Variants in FHIT observed in about 807,000 individuals in gnomAD.
FHIT encodes fragile histidine triad diadenosine triphosphatase.
Under a neutral mutation model 17.9 loss-of-function variants are expected in FHIT, and 19 were observed. The observed-to-expected ratio is 1.06, with a 90% CI of 0.74 to 1.56. The LOEUF is 1.56. FHIT is among the 40% of genes most tolerant of loss of function. FHIT has a pLI of 0.00. For synonymous variants in FHIT, 81 were observed against 69.7 expected, an observed-to-expected ratio of 1.16 and a Z score of -0.81; for missense variants, 248 against 189.2, an observed-to-expected ratio of 1.31 and a Z score of -1.82.
chr3:60,942,716 G>A (rs1382748985), intron 3 of FHIT, among the ~76,000 whole-genome samples: 2 of 151,778 alleles, frequency 1.3e-5, no homozygotes, highest in Non-Finnish European at 2.9e-5. Context: ...TAATATTTTT[G>A]TATTATTCCT....
intron 5 of FHIT, among the ~76,000 whole-genome samples, chr3:60,098,731 T>G (rs1288989166): frequency 1.3e-5 from 2 of 152,246 alleles, no homozygotes; most frequent in Non-Finnish European, 2.9e-5. Flanking sequence ...ACTAATATTT[T>G]CTTTTCTCTA....
At chr3:60,565,534 A>G (rs1346221966) in intron 4 of FHIT, among the ~76,000 whole-genome samples, 1 of 152,206 alleles carries the variant, frequency 6.6e-6, no homozygotes, top group East Asian at 1.9e-4. Flanking sequence ...AATGGATTTC[A>G]TTTACAAAAA....
chr3:60,845,602 A>T (rs1268379851), intron 3 of FHIT, among the ~76,000 whole-genome samples: 2 of 152,142 alleles, frequency 1.3e-5, no homozygotes, highest in African/African-American at 4.8e-5. Flanking sequence ...CTTAAGATTG[A>T]ACCACATGGG....
chr3:61,058,758 A>G (rs1024377412), intron 2 of FHIT, among the ~76,000 whole-genome samples: 3 of 152,346 alleles, frequency 2.0e-5, no homozygotes, highest in Admixed American at 2.0e-4. Context: ...GCAATGCAAG[A>G]ACGGACTAAT....
chr3:60,829,147 C>A (rs571738997), intron 3 of FHIT, among the ~76,000 whole-genome samples: 1 of 152,150 alleles, frequency 6.6e-6, no homozygotes, highest in Non-Finnish European at 1.5e-5. Flanking sequence ...ATGAGCCAAG[C>A]GCAGTGCCAA....
chr3:60,624,681 G>A (rs1246425810), intron 4 of FHIT, among the ~76,000 whole-genome samples: 1 of 152,146 alleles, frequency 6.6e-6, no homozygotes, highest in Admixed American at 6.5e-5. Flanking sequence ...AATGTTAAAT[G>A]TGTCTGTGGT....
At chr3:60,910,569 G>A (rs1464532909) in intron 3 of FHIT, among the ~76,000 whole-genome samples, 2 of 151,808 alleles carry the variant, frequency 1.3e-5, no homozygotes, top group Non-Finnish European at 2.9e-5. Flanking sequence ...CCACCACCAC[G>A]CCCGGCTAAT....
intron 4 of FHIT, among the ~76,000 whole-genome samples, chr3:60,736,998 T>C (rs1243488091): frequency 6.6e-6 from 1 of 152,136 alleles, no homozygotes; most frequent in African/African-American, 2.4e-5. Flanking sequence ...GAAAAGAAAA[T>C]TACCAAATAG....
At chr3:60,860,871 TATC>T (rs1703759869) in intron 3 of FHIT, among the ~76,000 whole-genome samples, 1 of 96,784 alleles carries the variant, frequency 1.0e-5, no homozygotes, top group Non-Finnish European at 2.2e-5. Flanking sequence ...TGTACATATA[TATC>T]ATGTATATAT....
intron 4 of FHIT, among the ~76,000 whole-genome samples, chr3:60,591,942 T>C (rs910996116): frequency 6.6e-6 from 1 of 151,864 alleles, no homozygotes; most frequent in Non-Finnish European, 1.5e-5. Flanking sequence ...TTAACAGGGA[T>C]TAATTTGGGT....
At chr3:59,951,461 C>A (rs1244376689) in intron 7 of FHIT, among the ~76,000 whole-genome samples, 1 of 152,206 alleles carries the variant, frequency 6.6e-6, no homozygotes, top group South Asian at 2.1e-4. Flanking sequence ...TATCTTCTAG[C>A]ACTTTCTGCT....
At chr3:60,205,969 A>T (rs188404385) in intron 5 of FHIT, among the ~76,000 whole-genome samples, 173 of 150,692 alleles carry the variant, frequency 1.1e-3, no homozygotes, top group African/African-American at 3.5e-3. Flanking sequence ...AAAAAAAAAT[A>T]AAAAAATAAA....
In FHIT at chr3:60,091,675, G is replaced by A. The variant is rs35203172; in HGVS notation, c.104-77523C>T. ...GGGGCGGTTTCTCACGAATGGTTTC[G>A]CACCATCCCCTTGGTGCTGTTCTCA... is the stretch of plus-strand genomic sequence containing the variant. On this transcript the variant is annotated intron_variant, in intron 5 of 9. Transcript: ENST00000492590. 2.4e-4 allele frequency among the ~76,000 whole-genome samples: 37 copies of A among 152,174 alleles called. No homozygotes were observed. In the East Asian group the frequency reaches 5.6e-3, roughly 23 times the overall value.
intron 5 of FHIT, among the ~76,000 whole-genome samples, chr3:60,408,349 A>G (rs1457184406): frequency 5.3e-5 from 8 of 152,130 alleles, no homozygotes; most frequent in Non-Finnish European, 1.5e-5. Context: ...CCCCTCCTGC[A>G]ACTCCTAATC....
chr3:60,399,219 G>A (rs1390024124), intron 5 of FHIT, among the ~76,000 whole-genome samples: 1 of 152,084 alleles, frequency 6.6e-6, no homozygotes, highest in East Asian at 1.9e-4. Context: ...AACTTCAAGG[G>A]TTTTTCTGCA....
intron 7 of FHIT, among the ~76,000 whole-genome samples, chr3:59,932,978 G>C (rs1034565287): frequency 3.3e-5 from 5 of 152,016 alleles, no homozygotes; most frequent in African/African-American, 1.2e-4. Context: ...CTCCCTCCTT[G>C]ACCACTTCCA....
intron 3 of FHIT, among the ~76,000 whole-genome samples, chr3:60,909,415 G>C (rs797028062): frequency 4.0e-5 from 6 of 151,468 alleles, no homozygotes; most frequent in African/African-American, 1.5e-4. Context: ...GATGGCAGCT[G>C]CCATACAGAA....
intron 4 of FHIT, among the ~76,000 whole-genome samples, chr3:60,626,620 A>G (rs1040645534): frequency 6.6e-6 from 1 of 152,028 alleles, no homozygotes; most frequent in Non-Finnish European, 1.5e-5. Context: ...AAGATCTTCT[A>G]TATATAAGAT....
At chr3:60,490,256 G>A (rs1237121187) in intron 5 of FHIT, among the ~76,000 whole-genome samples, 2 of 151,790 alleles carry the variant, frequency 1.3e-5, no homozygotes, top group African/African-American at 2.4e-5. Flanking sequence ...ATAACATCTA[G>A]TAGAAGGTAG....
Sources: allele counts gnomAD v4.1 joint callset (sites outside exome capture counted in the v4.1 genomes callset), GRCh38; gene constraint gnomAD v4.1.1; transcripts MANE v1.5; gene names NCBI Gene and HGNC (gene_info 2026-07-23, HGNC 2026-07-21).